The following ANKRD18A variants were observed in gnomAD, a reference collection of about 807,000 sequenced individuals.
ANKRD18A encodes the protein ankyrin repeat domain-containing protein 18A.
In ANKRD18A, 72 loss-of-function variants were observed where a neutral mutation model predicts 110.6. The ratio of observed to expected loss-of-function variants is 0.65; its 90% CI spans 0.54 to 0.79. The LOEUF (loss-of-function observed/expected upper bound fraction) is 0.79. Among genes scored for constraint, ANKRD18A ranks in the 30% least tolerant of loss-of-function variants. The pLI is 0.00. For missense variants in ANKRD18A, 934 were observed against 1,163.3 expected (o/e 0.80, Z 2.87); for synonymous variants, 305 against 410.3 (o/e 0.74, Z 3.10).
At position 38,607,497 on chromosome 9, in the gene ANKRD18A, T is replaced by C; in HGVS notation, c.741-4A>G. The C allele has an allele frequency of 6.8e-7, 1 of 1,463,348 alleles. No individual in the cohort carries two copies. Among genetic ancestry groups the C allele is most frequent in the South Asian group, 1.4e-5 (1 of 73,392 alleles). The allele number at this position is 1,463,348 out of a possible 1,614,324, so 90.6% of individuals were successfully genotyped here. On this transcript the variant is annotated splice_region_variant and splice_polypyrimidine_tract_variant and intron_variant, in intron 5 of 15. Coordinates refer to ENST00000399703, the MANE Select transcript of ANKRD18A (RefSeq NM_147195.4). ...TTCCAAAATTTGTTGTCGGATGCTA[T>C]GCATAATAAACGTAATAAAATTAGT... is the stretch of plus-strand genomic sequence containing the variant.
intron 10 of ANKRD18A, among the ~76,000 whole-genome samples, chr9:38,592,786 TAAAATTCTG>T: frequency 6.6e-6 from 1 of 152,172 alleles, no homozygotes; most frequent in South Asian, 2.1e-4. Context: ...ACAACATGGA[TAAAATTCTG>T]AAAACATTCT....
chr9:38,595,019 A>G (rs181814489), intron 9 of ANKRD18A, among the ~76,000 whole-genome samples: 1 of 152,298 alleles, frequency 6.6e-6, no homozygotes, highest in African/African-American at 2.4e-5. Context: ...TGTCAGCTCT[A>G]CCTTTTATCT....
intron 3 of ANKRD18A, among the ~76,000 whole-genome samples, chr9:38,614,223 T>TG (rs1825760850): frequency 1.5e-5 from 2 of 135,742 alleles, no homozygotes; most frequent in African/African-American, 6.3e-5. Flanking sequence ...ACTGAGGTTT[T>TG]TTTTTTTTTT....
intron 6 of ANKRD18A, chr9:38,604,378 C>T (rs906643329): frequency 1.3e-5 from 2 of 150,334 alleles, no homozygotes; most frequent in African/African-American, 4.9e-5. Context: ...TGAAGAAAAG[C>T]AGCCCTTCCA....
chr9:38,582,060 A>C (rs563439598), intron 12 of ANKRD18A, among the ~76,000 whole-genome samples: 125 of 152,282 alleles, frequency 8.2e-4, no homozygotes, highest in African/African-American at 2.9e-3. Flanking sequence ...GTGAACTGAA[A>C]GATGATGACT....
chr9:38,610,493 A>G, intron 4 of ANKRD18A, 83 bp from the exon 5 acceptor site: 21 of 1,472,656 alleles, frequency 1.4e-5, no homozygotes, highest in Non-Finnish European at 1.7e-5. Flanking sequence ...TACCAATTTC[A>G]TATCTTGCCT....
At position 38,577,951 on chromosome 9, in the gene ANKRD18A, T is replaced by G. The variant is rs1823974794; in HGVS notation, c.2445A>C (p.Glu815Asp). 1 of 1,589,388 alleles carries G rather than the reference T, an allele frequency of 6.3e-7. No individual in the cohort carries two copies. The highest frequency in any genetic ancestry group is 2.3e-5 in the East Asian group (1 of 43,706). Reference protein sequence around the residue: ...LKTHMEKDMVELGKLQEYKSE... With the variant: ...LKTHMEKDMVDLGKLQEYKSE... ...ATTTATATTCTTGTAGTTTACCAAG[T>G]TCTACCATATCTTTTTCCATATGTG... The change falls in exon 13 of 16, where the codon GAA (glutamate) becomes GAC (aspartate). Residue 815 changes from glutamate (E) to aspartate (D), a missense_variant. Transcript: ENST00000399703.
At chr9:38,605,331 A>G (rs1005231030) in intron 6 of ANKRD18A, among the ~76,000 whole-genome samples, 1 of 152,228 alleles carries the variant, frequency 6.6e-6, no homozygotes, top group African/African-American at 2.4e-5. Context: ...TGTTGAAAAA[A>G]CACAAAAATT....
intron 11 of ANKRD18A, 45 bp from the exon 12 acceptor site, chr9:38,586,357 A>G (rs1369072809): frequency 7.0e-7 from 1 of 1,426,332 alleles, no homozygotes; most frequent in African/African-American, 1.5e-5. Flanking sequence ...TTTAAGAGTA[A>G]ATATTTAATA....
downstream of ANKRD18A, chr9:38,569,261 T>C (rs76621903): frequency 0.61 from 539,882 of 884,896 alleles, 178,197 homozygotes; most frequent in South Asian, 0.66. Context: ...CAAGGATGAA[T>C]GAGATGACTG....
chr9:38,614,017 T>C (rs558852378), intron 3 of ANKRD18A, among the ~76,000 whole-genome samples: 1 of 152,298 alleles, frequency 6.6e-6, no homozygotes, highest in Admixed American at 6.5e-5. Flanking sequence ...GCCAATGATA[T>C]TCCCTTTCAC....
At chr9:38,599,913 C>T (rs1825050509) in intron 8 of ANKRD18A, among the ~76,000 whole-genome samples, 1 of 152,160 alleles carries the variant, frequency 6.6e-6, no homozygotes, top group South Asian at 2.1e-4. Flanking sequence ...TCTTTTCTGA[C>T]AGGGTGCAGG....
chr9:38,617,075 A>G (rs1314849711), intron 1 of ANKRD18A, among the ~76,000 whole-genome samples: 1 of 152,232 alleles, frequency 6.6e-6, no homozygotes, highest in Non-Finnish European at 1.5e-5. Flanking sequence ...TAATTCCTCA[A>G]AGTACCATGG....
At chr9:38,592,368 A>T (rs560774866) in intron 10 of ANKRD18A, among the ~76,000 whole-genome samples, 1 of 152,372 alleles carries the variant, frequency 6.6e-6, no homozygotes, top group African/African-American at 2.4e-5. Flanking sequence ...ATGAAAAGCC[A>T]TGTCAAATTA....
At chr9:38,573,485 T>C (rs2118620892) in intron 15 of ANKRD18A, among the ~76,000 whole-genome samples, 1 of 152,186 alleles carries the variant, frequency 6.6e-6, no homozygotes, top group South Asian at 2.1e-4. Context: ...GGGAGGCAAA[T>C]GTGGGCAGAT....
intron 12 of ANKRD18A, among the ~76,000 whole-genome samples, chr9:38,580,466 CT>C (rs1241503301): frequency 4.6e-5 from 7 of 152,146 alleles, no homozygotes; most frequent in Non-Finnish European, 2.9e-5. Context: ...AGAGGGGAGT[CT>C]GGTTAATGGA....
chr9:38,583,969 C>A (rs1236548963), intron 12 of ANKRD18A, among the ~76,000 whole-genome samples: 1 of 152,222 alleles, frequency 6.6e-6, no homozygotes, highest in Non-Finnish European at 1.5e-5. Flanking sequence ...GACTTGCCAG[C>A]AGCAGACTGG....
At chr9:38,570,914 G>A (rs540800623), downstream of ANKRD18A, among the ~76,000 whole-genome samples, 4 of 152,346 alleles carry the variant, frequency 2.6e-5, no homozygotes, top group Admixed American at 1.3e-4. Flanking sequence ...CTATTCCTGA[G>A]TGTCAGAGTG....
chr9:38,610,446 T>C, intron 4 of ANKRD18A, 36 bp from the exon 5 acceptor site: 9 of 1,517,404 alleles, frequency 5.9e-6, no homozygotes, highest in South Asian at 1.3e-5. Flanking sequence ...CTCAAGAACT[T>C]TGATGAAGAT....
Sources: allele counts gnomAD v4.1 joint callset (sites outside exome capture counted in the v4.1 genomes callset), GRCh38; gene constraint gnomAD v4.1.1; transcripts MANE v1.5; gene names NCBI Gene and HGNC (gene_info 2026-07-23, HGNC 2026-07-21).